FBXL17: variants seen among roughly 807,000 people sequenced by gnomAD.
FBXL17 encodes the protein F-box and leucine rich repeat protein 17, also known as F-box/LRR-repeat protein 17.
In FBXL17, 22 loss-of-function variants were observed where a neutral mutation model predicts 66.2. The observed-to-expected ratio is 0.33, with a 90% CI of 0.24 to 0.47. The LOEUF is 0.47. FBXL17 is among the 20% of genes least tolerant of loss of function. The probability of loss-of-function intolerance (pLI) is 1.00; values close to 1 mark genes in which losing one functional copy is unlikely to be tolerated. For missense variants in FBXL17, 878 were observed against 948.2 expected (o/e 0.93, Z 0.97); for synonymous variants, 474 against 400.5 (o/e 1.18, Z -2.19).
intron 4 of FBXL17, among the ~76,000 whole-genome samples, chr5:108,243,886 C>T (rs1300357753): frequency 6.6e-6 from 1 of 152,076 alleles, no homozygotes; most frequent in Non-Finnish European, 1.5e-5. Context: ...ATGAGATGAA[C>T]TTAAGTCTCA....
At chr5:107,914,850 T>C (rs1269659163) in intron 7 of FBXL17, among the ~76,000 whole-genome samples, 1 of 152,212 alleles carries the variant, frequency 6.6e-6, no homozygotes, top group Non-Finnish European at 1.5e-5. Flanking sequence ...CTGTGAACTG[T>C]TGCTCCAAAC....
intron 2 of FBXL17, 41 bp downstream of exon 2, chr5:108,367,790 G>A: frequency 6.7e-7 from 1 of 1,489,330 alleles, no homozygotes; most frequent in Non-Finnish European, 9.0e-7. Flanking sequence ...GATATTTTTT[G>A]AGTAGGTCAT....
At chr5:108,369,019 C>T (rs1748853416) in intron 1 of FBXL17, among the ~76,000 whole-genome samples, 1 of 152,018 alleles carries the variant, frequency 6.6e-6, no homozygotes, top group African/African-American at 2.4e-5. Context: ...CTGAATTTCA[C>T]CCTGACCATG....
chr5:108,193,819 C>T (rs1475708938), intron 5 of FBXL17, among the ~76,000 whole-genome samples: 2 of 152,128 alleles, frequency 1.3e-5, no homozygotes, highest in African/African-American at 4.8e-5. Flanking sequence ...TATTCTCTTT[C>T]ACCCACTGCC....
chr5:108,153,554 T>C (rs1233759332), intron 6 of FBXL17, among the ~76,000 whole-genome samples: 1 of 152,212 alleles, frequency 6.6e-6, no homozygotes, highest in Non-Finnish European at 1.5e-5. Flanking sequence ...GAATTTAAGA[T>C]AAAGTTTTAT....
intron 8 of FBXL17, among the ~76,000 whole-genome samples, chr5:107,873,361 T>C (rs1349474160): frequency 6.6e-6 from 1 of 152,222 alleles, no homozygotes; most frequent in Non-Finnish European, 1.5e-5. Context: ...ACCTATCACC[T>C]ATCACAGTGA....
At chr5:108,139,368 G>C (rs1751266116) in intron 6 of FBXL17, among the ~76,000 whole-genome samples, 1 of 152,204 alleles carries the variant, frequency 6.6e-6, no homozygotes. Flanking sequence ...TATGAAATTT[G>C]ATAGGTGTCT....
At chr5:108,342,900 C>G (rs1479170288) in intron 4 of FBXL17, among the ~76,000 whole-genome samples, 3 of 152,056 alleles carry the variant, frequency 2.0e-5, no homozygotes, top group African/African-American at 2.4e-5. Context: ...TTGTGTACCC[C>G]CAAAACCCAT....
intron 4 of FBXL17, among the ~76,000 whole-genome samples, chr5:108,302,617 T>C (rs973754111): frequency 6.6e-6 from 1 of 151,792 alleles, no homozygotes; most frequent in Admixed American, 6.6e-5. Context: ...TTAACCTAAT[T>C]GAACTGTTAA....
At chr5:108,312,330 T>C (rs1207919292) in intron 4 of FBXL17, among the ~76,000 whole-genome samples, 1 of 152,180 alleles carries the variant, frequency 6.6e-6, no homozygotes, top group Non-Finnish European at 1.5e-5. Context: ...AATTTCCATG[T>C]AGAAAGCAAT....
In FBXL17 at chr5:108,380,860, C is replaced by A; in HGVS notation, c.832G>T (p.Ala278Ser). 8.0e-7 allele frequency: 1 copy of A among 1,245,256 alleles called. No individual in the cohort carries two copies. The highest frequency in any genetic ancestry group is 1.0e-6 in the Non-Finnish European group (1 of 987,944). 77.1% of individuals were successfully genotyped at this position (1,245,256 alleles called of 1,614,324 possible). A position where few individuals can be genotyped will look rare whatever the true frequency, so the allele number is the denominator to read the frequency against. ...GGGGCGGTGCCCCCGGCTCGGACAG[C>A]GTCCCCGCCAGCTTCGGTGGGGGCA... Reference protein sequence around the residue: ...EGAPTEAGGDAVRAGGTAPLS... With the variant: ...EGAPTEAGGDSVRAGGTAPLS... The change falls in exon 1 of 9, where the codon GCT becomes TCT. Residue 278 changes from alanine to serine, a missense_variant. Ala to Ser is a moderately conservative substitution (Grantham distance 99, BLOSUM62 1). This residue lies in a region of FBXL17 where 605 missense variants were observed against 509.5 expected (regional missense o/e 1.19). Transcript: ENST00000542267.
chr5:107,871,918 G>T (rs1748469596), intron 8 of FBXL17, among the ~76,000 whole-genome samples: 1 of 152,102 alleles, frequency 6.6e-6, no homozygotes, highest in African/African-American at 2.4e-5. Context: ...TGAACTAAAA[G>T]TCTGTTTTCT....
chr5:108,005,449 T>A (rs1487464897), intron 7 of FBXL17, among the ~76,000 whole-genome samples: 1 of 152,178 alleles, frequency 6.6e-6, no homozygotes, highest in African/African-American at 2.4e-5. Context: ...GTATGGATGG[T>A]GGTTAAATAT....
rs1287152827 is a variant in FBXL17, at chr5:108,009,290, T to TAGATAGATAGATAGATAG, written c.1822+11634_1822+11635insCTATCTATCTATCTATCT. Among the ~76,000 whole-genome samples the TAGATAGATAGATAGATAG allele has an allele frequency of 2.8e-3, 152 of 54,688 alleles. 22 individuals carry two copies. Among genetic ancestry groups the TAGATAGATAGATAGATAG allele is most frequent in the South Asian group, 9.3e-3 (18 of 1,942 alleles). The allele number at this position is 54,688 out of a possible 152,430, so 35.9% of individuals were successfully genotyped here. ...ATATATATATATATATATATATATA[T>TAGATAGATAGATAGATAG]ATATATATATACATATATACATACA... is the stretch of plus-strand genomic sequence containing the variant. On this transcript the variant is annotated intron_variant, in intron 7 of 8. Transcript: ENST00000542267.
At chr5:108,217,751 AT>A (rs1490103714) in intron 5 of FBXL17, among the ~76,000 whole-genome samples, 3 of 152,106 alleles carry the variant, frequency 2.0e-5, no homozygotes, top group African/African-American at 7.2e-5. Context: ...GAAATTTTGT[AT>A]TCTTCAACCA....
At chr5:108,081,110 T>G (rs935051285) in intron 6 of FBXL17, among the ~76,000 whole-genome samples, 6 of 151,904 alleles carry the variant, frequency 3.9e-5, no homozygotes, top group African/African-American at 1.2e-4. Flanking sequence ...TACACTAGAG[T>G]CAGTTTGGAA....
intron 7 of FBXL17, among the ~76,000 whole-genome samples, chr5:108,008,089 C>A (rs547870715): frequency 2.0e-5 from 3 of 152,258 alleles, no homozygotes; most frequent in Admixed American, 2.0e-4. Context: ...CAATAATACA[C>A]TTCACAGGAA....
At chr5:108,264,738 C>T (rs2150130095) in intron 4 of FBXL17, among the ~76,000 whole-genome samples, 1 of 152,138 alleles carries the variant, frequency 6.6e-6, no homozygotes, top group Admixed American at 6.5e-5. Flanking sequence ...GCCTTGCCAG[C>T]TTTATTGGCC....
At chr5:108,033,879 A>T (rs557674308) in intron 6 of FBXL17, among the ~76,000 whole-genome samples, 3 of 152,212 alleles carry the variant, frequency 2.0e-5, no homozygotes, top group African/African-American at 7.2e-5. Context: ...TTTTTCATTA[A>T]GGAAATACAC....
Sources: allele counts gnomAD v4.1 joint callset (sites outside exome capture counted in the v4.1 genomes callset), GRCh38; gene constraint gnomAD v4.1.1; regional missense constraint gnomAD v4.1.1; transcripts MANE v1.5; gene names NCBI Gene and HGNC (gene_info 2026-07-23, HGNC 2026-07-21).